The following DCDC2C variants were observed in gnomAD, a reference collection of about 807,000 sequenced individuals.
The protein encoded by DCDC2C is doublecortin domain-containing protein 2C.
In DCDC2C, 44 loss-of-function variants were observed where a neutral mutation model predicts 45.0. That is an observed-to-expected ratio of 0.98 (90% confidence interval 0.77 to 1.26). DCDC2C has a LOEUF of 1.26. Ranked by LOEUF, DCDC2C falls within the 50% of genes most tolerant of loss-of-function variation. The pLI is 0.00. For synonymous variants in DCDC2C, 187 were observed against 178.8 expected (o/e 1.05, Z -0.37); for missense variants, 447 against 468.9 (o/e 0.95, Z 0.43).
intron 2 of DCDC2C, among the ~76,000 whole-genome samples, chr2:3,708,849 G>A (rs148620121): frequency 2.0e-5 from 3 of 152,326 alleles, no homozygotes; most frequent in East Asian, 3.9e-4. Flanking sequence ...GAGGCACACC[G>A]TGCAATTAAT....
intron 2 of DCDC2C, among the ~76,000 whole-genome samples, chr2:3,709,708 TG>T (rs1668158259): frequency 6.6e-6 from 1 of 152,176 alleles, no homozygotes; most frequent in Non-Finnish European, 1.5e-5. Context: ...CCTCTACCTG[TG>T]GGGCTGGGAG....
At chr2:3,787,001 G>C (rs1670674103) in intron 10 of DCDC2C, among the ~76,000 whole-genome samples, 1 of 152,180 alleles carries the variant, frequency 6.6e-6, no homozygotes. Context: ...CTTGAAATTA[G>C]ACACTTGGTT....
chr2:3,786,227 G>C (rs1424374116), intron 10 of DCDC2C, among the ~76,000 whole-genome samples: 1 of 152,056 alleles, frequency 6.6e-6, no homozygotes, highest in Admixed American at 6.5e-5. Context: ...AGGGCCTCTC[G>C]TGTGGGTGTG....
chr2:3,704,184 C>T, intron 1 of DCDC2C, 146 bp downstream of exon 1: 1 of 755,974 alleles, frequency 1.3e-6, no homozygotes, highest in Non-Finnish European at 1.8e-6. Flanking sequence ...TCCAGCGCAG[C>T]CGGCGTCGGG....
intron 9 of DCDC2C, among the ~76,000 whole-genome samples, chr2:3,779,302 G>A (rs923945077): frequency 1.3e-5 from 2 of 152,154 alleles, no homozygotes; most frequent in Non-Finnish European, 1.5e-5. Flanking sequence ...TGGTCCCGCC[G>A]GGGAGCACGA....
intron 2 of DCDC2C, among the ~76,000 whole-genome samples, chr2:3,725,738 T>C (rs55933711): frequency 1.1e-3 from 99 of 93,534 alleles, no homozygotes; most frequent in Admixed American, 2.5e-3. Flanking sequence ...GCCAGGTGGA[T>C]CCCGGAGAGA....
At position 3,810,055 on chromosome 2, in the gene DCDC2C, C is replaced by G. The variant is rs1019946957; in HGVS notation, c.1065+24955C>G. On this transcript the variant is annotated intron_variant, in intron 10 of 10. Coordinates refer to ENST00000399143, the MANE Select transcript of DCDC2C (RefSeq NM_001287444.2). Reference sequence around the variant, plus strand: ...TGTAAATAGTGCTGCAATAAACATACGTGTGCATGTTTCTTTATAGTAGAA... The same window carrying G: ...TGTAAATAGTGCTGCAATAAACATAGGTGTGCATGTTTCTTTATAGTAGAA... 2.0e-5 allele frequency among the ~76,000 whole-genome samples: 3 copies of G among 152,248 alleles called. No homozygotes were observed. In the South Asian group the frequency reaches 6.2e-4, roughly 32 times the overall value.
chr2:3,750,519 G>A (rs977454104), intron 4 of DCDC2C, among the ~76,000 whole-genome samples: 18 of 152,066 alleles, frequency 1.2e-4, no homozygotes, highest in Non-Finnish European at 2.5e-4. Flanking sequence ...TGAGGGTCTG[G>A]CTGGCTTTAA....
chr2:3,784,827 A>G (rs1350888466), intron 9 of DCDC2C, among the ~76,000 whole-genome samples: 4 of 152,236 alleles, frequency 2.6e-5, no homozygotes, highest in Admixed American at 2.6e-4. Context: ...AAAGATGTAC[A>G]TAAAAACAAA....
At position 3,785,088 on chromosome 2, in the gene DCDC2C, C is replaced by A. The variant is rs774461483; in HGVS notation, c.1053C>A (p.Asp351Glu). 2.4e-6 allele frequency: 3 copies of A among 1,231,568 alleles called. No homozygotes were observed. The highest frequency in any genetic ancestry group is 1.6e-5 in the African/African-American group (1 of 64,422). 76.3% of individuals were successfully genotyped at this position (1,231,568 alleles called of 1,614,324 possible). ...AAGAAGATGCAAGGCTTTGTGAAGA[C>A]GTTGAAAGAAAGGTTTGTATCAACA... ...KDKEDARLCE[D>E]VERKMAREWK... Residue 351 changes from aspartate (D) to glutamate (E), a missense_variant, in exon 10 of 11, where the codon GAC becomes GAA. Physicochemically the swap from Asp to Glu is conservative, Grantham distance 45 (BLOSUM62 2). Coordinates refer to ENST00000399143, the MANE Select transcript of DCDC2C (RefSeq NM_001287444.2).
rs1255313787 is a variant in DCDC2C at position 3,703,928 on chromosome 2, C to T, written c.177C>T (p.Gly59=). 1 of 1,333,286 alleles carries T rather than the reference C, an allele frequency of 7.5e-7. No individual in the cohort carries two copies. Among genetic ancestry groups the T allele is most frequent in the Non-Finnish European group, 9.6e-7 (1 of 1,038,954 alleles). The allele number at this position is 1,333,286 out of a possible 1,614,324, so 82.6% of individuals were successfully genotyped here. A position where few individuals can be genotyped will look rare whatever the true frequency, so the allele number is the denominator to read the frequency against. ...QLTEQVDVPF[G]VRRLFTPTRG... is the part of the protein sequence containing the mutation. ...CGGAGCAGGTGGACGTCCCGTTCGG[C>T]GTGCGCCGCCTCTTCACGCCCACGC... Residue 59 remains glycine, a synonymous_variant, in exon 1 of 11, where the codon GGC becomes GGT. Coordinates refer to ENST00000399143, the MANE Select transcript of DCDC2C (RefSeq NM_001287444.2). The surrounding 1 kb of genome is among the most constrained non-coding windows in gnomAD (Gnocchi z 4.4).
intron 9 of DCDC2C, among the ~76,000 whole-genome samples, chr2:3,780,726 T>C (rs1195911941): frequency 6.6e-6 from 1 of 152,146 alleles, no homozygotes; most frequent in Non-Finnish European, 1.5e-5. Context: ...CAGCCCTGTC[T>C]CCACTGCACA....
At chr2:3,719,843 C>T (rs1466753457) in intron 2 of DCDC2C, among the ~76,000 whole-genome samples, 4 of 152,214 alleles carry the variant, frequency 2.6e-5, no homozygotes, top group African/African-American at 9.6e-5. Flanking sequence ...CTGTGGGTGC[C>T]TCATGCTCCT....
chr2:3,713,941 A>G (rs1166992604), intron 2 of DCDC2C, among the ~76,000 whole-genome samples: 3 of 152,254 alleles, frequency 2.0e-5, no homozygotes, highest in African/African-American at 7.2e-5. Flanking sequence ...CAATTTGAAT[A>G]CCAGTGTAAA....
At chr2:3,711,410 G>T (rs1668205182) in intron 2 of DCDC2C, among the ~76,000 whole-genome samples, 1 of 151,784 alleles carries the variant, frequency 6.6e-6, no homozygotes, top group African/African-American at 2.4e-5. Flanking sequence ...ATCAATGACA[G>T]ACTGGATTAA....
intron 10 of DCDC2C, among the ~76,000 whole-genome samples, chr2:3,839,709 G>A (rs1306590817): frequency 5.3e-5 from 8 of 152,182 alleles, no homozygotes; most frequent in Admixed American, 4.6e-4. Context: ...CAGCTCTTCT[G>A]ACGGCTTCTC....
At chr2:3,717,020 T>G (rs947980602) in intron 2 of DCDC2C, among the ~76,000 whole-genome samples, 7 of 152,100 alleles carry the variant, frequency 4.6e-5, no homozygotes, top group Non-Finnish European at 5.9e-5. Flanking sequence ...GAAAGAAAAT[T>G]GTTTCTTTCC....
intron 4 of DCDC2C, among the ~76,000 whole-genome samples, chr2:3,749,238 C>T (rs1001819907): frequency 1.1e-4 from 17 of 151,954 alleles, no homozygotes; most frequent in African/African-American, 3.6e-4. Flanking sequence ...TGCAAATGGC[C>T]GTTGCATTTA....
At chr2:3,821,558 A>G (rs1671687376) in intron 10 of DCDC2C, among the ~76,000 whole-genome samples, 1 of 152,220 alleles carries the variant, frequency 6.6e-6, no homozygotes, top group Non-Finnish European at 1.5e-5. Context: ...GTTACTCTGT[A>G]TCCTGGTTTG....
Sources: allele counts gnomAD v4.1 joint callset (sites outside exome capture counted in the v4.1 genomes callset), GRCh38; gene constraint gnomAD v4.1.1; non-coding constraint Gnocchi (gnomAD v3.1); transcripts MANE v1.5; gene names NCBI Gene and HGNC (gene_info 2026-07-23, HGNC 2026-07-21).